Variants in DGKB observed in about 807,000 individuals in gnomAD.
DGKB encodes the protein diacylglycerol kinase beta, also known as 90 kDa diacylglycerol kinase.
In DGKB, 67 loss-of-function variants were observed where a neutral mutation model predicts 114.3. The ratio of observed to expected loss-of-function variants is 0.59; its 90% CI spans 0.48 to 0.72. The LOEUF (loss-of-function observed/expected upper bound fraction) is 0.72, where lower values mean the gene tolerates loss of function less well. DGKB is among the 30% of genes least tolerant of loss of function. The pLI, the probability that DGKB is intolerant of heterozygous loss-of-function variation, is 0.00. For synonymous variants in DGKB, 398 were observed against 323.1 expected, an observed-to-expected ratio of 1.23 and a Z score of -2.49; for missense variants, 907 against 975.2, an observed-to-expected ratio of 0.93 and a Z score of 0.93.
intron 21 of DGKB, among the ~76,000 whole-genome samples, chr7:14,427,582 G>C (rs1422907502): frequency 6.6e-6 from 1 of 152,106 alleles, no homozygotes; most frequent in Non-Finnish European, 1.5e-5. Flanking sequence ...GAGACAGGGT[G>C]ATTTACAAAA....
chr7:14,715,422 G>A (rs1828027366), intron 6 of DGKB, among the ~76,000 whole-genome samples: 2 of 152,056 alleles, frequency 1.3e-5, no homozygotes, highest in Non-Finnish European at 2.9e-5. Context: ...GAAGTTAGAA[G>A]GGCAAATCAG....
chr7:14,258,006 G>C (rs946178350), intron 23 of DGKB, among the ~76,000 whole-genome samples: 2 of 152,204 alleles, frequency 1.3e-5, no homozygotes, highest in East Asian at 3.9e-4. Flanking sequence ...GGGATTGCAG[G>C]CGTGAGCCAA....
intron 23 of DGKB, among the ~76,000 whole-genome samples, chr7:14,206,394 A>C (rs1008640152): frequency 2.6e-5 from 4 of 152,042 alleles, no homozygotes; most frequent in Non-Finnish European, 5.9e-5. Flanking sequence ...TCAGGAGGAG[A>C]AACAGCAAGT....
intron 23 of DGKB, among the ~76,000 whole-genome samples, chr7:14,214,366 T>C (rs188203466): frequency 3.9e-5 from 6 of 152,134 alleles, no homozygotes; most frequent in East Asian, 1.9e-4. Flanking sequence ...GAAAAAAAAT[T>C]CCATGTGCTA....
rs10264420 is a variant in DGKB at position 14,228,568 on chromosome 7, C to T, written c.2123-50417G>A. Among the ~76,000 whole-genome samples, 1,173 of 151,986 alleles carry T rather than the reference C, an allele frequency of 7.7e-3. 16 individuals are homozygous for T. The highest frequency in any genetic ancestry group is 0.027 in the African/African-American group (1,133 of 41,486). On this transcript the variant is annotated intron_variant, in intron 23 of 25. Coordinates refer to ENST00000402815, the MANE Select transcript of DGKB (RefSeq NM_001350709.2). Reference sequence around the variant, plus strand: ...CGCACACACACTCACACACACAGTACAGCGCTACACTGGCTGCTTCATAAT... The same window carrying T: ...CGCACACACACTCACACACACAGTATAGCGCTACACTGGCTGCTTCATAAT...
intron 17 of DGKB, among the ~76,000 whole-genome samples, chr7:14,600,191 G>C (rs78932289): frequency 0.035 from 5,368 of 152,230 alleles, 193 homozygotes; most frequent in Admixed American, 0.12. Context: ...CATGGCAGTA[G>C]AAGGGGAAAG....
chr7:14,200,946 TA>T (rs1195357487), intron 23 of DGKB, among the ~76,000 whole-genome samples: 1 of 151,996 alleles, frequency 6.6e-6, no homozygotes, highest in East Asian at 1.9e-4. Context: ...AGGGTGTAGT[TA>T]AAAATTCTAA....
rs563886325 is a variant in DGKB, at chr7:14,762,702, G to C, written c.71-4971C>G. On this transcript the variant is annotated intron_variant, in intron 2 of 25. Coordinates refer to ENST00000402815, the MANE Select transcript of DGKB (RefSeq NM_001350709.2). ...ATTCCAAAAAACTCAACACATACTTGTCAGATTAATCTCAAAGGCCCCATG... is the reference window on the plus strand; with the variant it reads ...ATTCCAAAAAACTCAACACATACTTCTCAGATTAATCTCAAAGGCCCCATG... Among the ~76,000 whole-genome samples, 75 of 152,008 alleles carry C rather than the reference G, an allele frequency of 4.9e-4. 1 individual carries two copies. The highest frequency in any genetic ancestry group is 4.6e-4 in the Admixed American group (7 of 15,248).
At chr7:14,532,204 C>T (rs1370601513) in intron 20 of DGKB, among the ~76,000 whole-genome samples, 1 of 150,282 alleles carries the variant, frequency 6.7e-6, no homozygotes, top group Non-Finnish European at 1.5e-5. Context: ...ATAAATTAAA[C>T]TTCACAAGGA....
chr7:14,520,052 A>C (rs553075954), intron 20 of DGKB, among the ~76,000 whole-genome samples: 1 of 151,924 alleles, frequency 6.6e-6, no homozygotes, highest in African/African-American at 2.4e-5. Flanking sequence ...TAATTTTATC[A>C]GATTCCAATT....
chr7:14,691,983 C>T (rs1822951217), intron 9 of DGKB, among the ~76,000 whole-genome samples: 2 of 151,862 alleles, frequency 1.3e-5, no homozygotes, highest in African/African-American at 2.4e-5. Context: ...ATAGAGTGCA[C>T]ATTAAATGCA....
intron 2 of DGKB, among the ~76,000 whole-genome samples, chr7:14,828,595 A>G (rs1017716320): frequency 6.6e-6 from 1 of 152,044 alleles, no homozygotes; most frequent in African/African-American, 2.4e-5. Context: ...CTAGTAAATT[A>G]TACTTCTAAG....
intron 21 of DGKB, among the ~76,000 whole-genome samples, chr7:14,400,824 CAG>C (rs1362264029): frequency 6.6e-6 from 1 of 151,602 alleles, no homozygotes; most frequent in Non-Finnish European, 1.5e-5. Context: ...TATTGAAAAA[CAG>C]AAATGCCAAG....
chr7:14,636,815 C>T (rs939091443), intron 13 of DGKB, among the ~76,000 whole-genome samples: 1 of 151,772 alleles, frequency 6.6e-6, no homozygotes, highest in Admixed American at 6.6e-5. Context: ...TTCGAAAAGC[C>T]CAGATTTGTG....
intron 1 of DGKB, among the ~76,000 whole-genome samples, chr7:14,959,148 A>C (rs999009642): frequency 4.0e-5 from 6 of 150,006 alleles, no homozygotes; most frequent in African/African-American, 1.5e-4. Flanking sequence ...GGAATATTGA[A>C]TATTTTACCA....
At chr7:14,699,559 C>A (rs569248428) in intron 7 of DGKB, among the ~76,000 whole-genome samples, 1 of 152,098 alleles carries the variant, frequency 6.6e-6, no homozygotes. Flanking sequence ...TGCAAATGAT[C>A]AACAAATCTT....
chr7:14,773,479 A>C (rs1178247390), intron 2 of DGKB, among the ~76,000 whole-genome samples: 2 of 152,162 alleles, frequency 1.3e-5, no homozygotes, highest in African/African-American at 4.8e-5. Context: ...AGTGAATTTA[A>C]AGTAAATGAA....
intron 21 of DGKB, among the ~76,000 whole-genome samples, chr7:14,390,444 C>G (rs1236811001): frequency 6.6e-6 from 1 of 152,156 alleles, no homozygotes; most frequent in Non-Finnish European, 1.5e-5. Flanking sequence ...AAATTAATTT[C>G]CCCTTGCCTT....
intron 21 of DGKB, among the ~76,000 whole-genome samples, chr7:14,422,060 T>G (rs1439873906): frequency 6.6e-6 from 1 of 152,016 alleles, no homozygotes; most frequent in Non-Finnish European, 1.5e-5. Context: ...TATTGATATG[T>G]TTACCTATTT....
Sources: gnomAD v4.1 joint callset for allele counts (sites outside exome capture counted in the v4.1 genomes callset) on GRCh38, gnomAD v4.1.1 for gene constraint, MANE v1.5 for transcripts, NCBI Gene and HGNC (gene_info 2026-07-23, HGNC 2026-07-21) for gene names.